EPN2: variants seen among roughly 807,000 people sequenced by gnomAD.
EPN2 encodes the protein epsin 2.
EPN2 carries 34 observed loss-of-function variants against 61.7 expected under a neutral mutation model. The observed-to-expected ratio is 0.55, with a 90% CI of 0.42 to 0.73. The LOEUF is 0.73. EPN2 is among the 30% of genes least tolerant of loss of function. The pLI is 0.00. For synonymous variants in EPN2, 349 were observed against 353.6 expected, an observed-to-expected ratio of 0.99 and a Z score of 0.15; for missense variants, 714 against 839.2, an observed-to-expected ratio of 0.85 and a Z score of 1.84.
intron 4 of EPN2, among the ~76,000 whole-genome samples, chr17:19,290,937 T>C (rs1417088822): frequency 2.0e-5 from 3 of 152,160 alleles, no homozygotes; most frequent in African/African-American, 7.2e-5. Context: ...GCTTCAAGTC[T>C]GCTCCCAGAG....
At chr17:19,289,078 T>G (rs1226589301) in intron 4 of EPN2, among the ~76,000 whole-genome samples, 2 of 127,848 alleles carry the variant, frequency 1.6e-5, no homozygotes. Flanking sequence ...GGGTATGTTT[T>G]TTTTTTTTTT....
At chr17:19,273,525 A>T (rs1039968206) in intron 1 of EPN2, among the ~76,000 whole-genome samples, 4 of 149,270 alleles carry the variant, frequency 2.7e-5, no homozygotes, top group African/African-American at 4.9e-5. Flanking sequence ...ATTTTTTATT[A>T]AAAAAAAAAC....
intron 4 of EPN2, among the ~76,000 whole-genome samples, chr17:19,288,741 C>T (rs1338267542): frequency 6.6e-6 from 1 of 152,192 alleles, no homozygotes; most frequent in Non-Finnish European, 1.5e-5. Flanking sequence ...ATTCCTAGTC[C>T]ATCCAGACGG....
chr17:19,324,089 C>T (rs959936431), intron 7 of EPN2, among the ~76,000 whole-genome samples: 3 of 152,238 alleles, frequency 2.0e-5, no homozygotes, highest in African/African-American at 7.2e-5. Context: ...GGAGAATACA[C>T]ATTCTTTGCA....
intron 1 of EPN2, among the ~76,000 whole-genome samples, chr17:19,247,252 T>G (rs1314768073): frequency 6.6e-6 from 1 of 152,180 alleles, no homozygotes; most frequent in East Asian, 1.9e-4. Flanking sequence ...AGTGTCAACC[T>G]GAAAAATATG....
intron 7 of EPN2, among the ~76,000 whole-genome samples, chr17:19,321,883 T>G (rs1906653479): frequency 6.6e-6 from 1 of 152,148 alleles, no homozygotes; most frequent in Non-Finnish European, 1.5e-5. Flanking sequence ...CGGCTTGCAG[T>G]CAGCTCTCTC....
Position 19,313,145 on chromosome 17 carries a change from T to C in EPN2, c.1013T>C (p.Met338Thr), listed in dbSNP as rs781776788. The C allele has an allele frequency of 3.7e-6, 6 of 1,613,886 alleles. No homozygotes were observed. Among genetic ancestry groups the C allele is most frequent in the South Asian group, 2.2e-5 (2 of 91,088 alleles). The change falls in exon 7 of 11, where the codon ATG becomes ACG. Residue 338 changes from methionine (M) to threonine (T), a missense_variant. Transcript: ENST00000314728. ...CAGCAGACTACGCTGTTGGATTTAA[T>C]GGATGCTCTCCCCAGCTCGGGCCCC... is the stretch of plus-strand genomic sequence containing the variant. ...LPQQTTLLDL[M>T]DALPSSGPAA...
chr17:19,274,449 AT>A (rs1214608101), intron 1 of EPN2: 3 of 152,246 alleles, frequency 2.0e-5, no homozygotes, highest in Non-Finnish European at 4.4e-5. Flanking sequence ...GTTCAGGTCA[AT>A]TAATTCACCC....
Position 19,313,109 on chromosome 17 carries a change from G to T in EPN2, c.977G>T (p.Gly326Val). 6.2e-7 allele frequency: 1 copy of T among 1,613,166 alleles called. No homozygotes were observed. The highest frequency in any genetic ancestry group is 1.3e-5 in the African/African-American group (1 of 74,932). Reference sequence around the variant, plus strand: ...CCCTTCTCTTTGTCTTAAAAGCATGGCTCTCTCCCACAGCAGACTACGCTG... The same window carrying T: ...CCCTTCTCTTTGTCTTAAAAGCATGTCTCTCTCCCACAGCAGACTACGCTG... ...TVKIPKKKEH[G>V]SLPQQTTLLD... is the part of the protein sequence containing the mutation. The change falls in exon 7 of 11, where the codon GGC (glycine) becomes GTC (valine). Residue 326 changes from glycine to valine, a missense_variant. Around this residue, in one of 2 missense-constraint regions of EPN2, gnomAD observed 410 missense variants for 421.8 expected, o/e 0.97. Transcript: ENST00000314728.
chr17:19,331,893 T>TACC lies in EPN2; in HGVS notation c.1454_1456dup (p.Thr485dup). ...CTCTGCCATCCCAAAACAATGGAAC[T>TACC]ACCAGCCCTGACCCCTTTGAGTCTC... On this transcript the variant is annotated inframe_insertion, in exon 10 of 11. Transcript: ENST00000314728. The TACC allele has an allele frequency of 6.2e-7, 1 of 1,614,214 alleles. No homozygotes were observed. The highest frequency in any genetic ancestry group is 8.5e-7 in the Non-Finnish European group (1 of 1,180,036).
chr17:19,302,624 A>G (rs1905587911), intron 4 of EPN2, among the ~76,000 whole-genome samples: 1 of 152,206 alleles, frequency 6.6e-6, no homozygotes, highest in African/African-American at 2.4e-5. Context: ...CTGATTCTAT[A>G]TTATGGTGAG....
At chr17:19,295,086 T>C (rs1170294507) in intron 4 of EPN2, among the ~76,000 whole-genome samples, 1 of 152,148 alleles carries the variant, frequency 6.6e-6, no homozygotes, top group Admixed American at 6.5e-5. Flanking sequence ...TCAGAGTCTT[T>C]TTCACTACCT....
chr17:19,246,364 GAAT>G (rs1567840848), intron 1 of EPN2, among the ~76,000 whole-genome samples: 2 of 152,012 alleles, frequency 1.3e-5, no homozygotes, highest in Admixed American at 6.6e-5. Flanking sequence ...AAAATAATAA[GAAT>G]AATAATAATT....
intron 7 of EPN2, among the ~76,000 whole-genome samples, chr17:19,325,359 A>G (rs1306107072): frequency 1.3e-5 from 2 of 152,226 alleles, no homozygotes; most frequent in African/African-American, 2.4e-5. Flanking sequence ...GAAAGAAACA[A>G]TTACAAAACC....
rs750514085 is a variant in EPN2, at chr17:19,331,840, CCTTGT to C, written c.1412-7_1412-3del. ...GCCACACTCACCCTGCCATATGTGT[CCTTGT>C]CTTGTAGCCGAATCTGTGACCTCTC... On this transcript the variant is annotated splice_polypyrimidine_tract_variant and splice_region_variant and intron_variant, in intron 9 of 10. Coordinates refer to ENST00000314728, the MANE Select transcript of EPN2 (RefSeq NM_014964.5). The C allele has an allele frequency of 1.1e-5, 18 of 1,611,650 alleles. No individual in the cohort carries two copies. Among genetic ancestry groups the C allele is most frequent in the Non-Finnish European group, 1.4e-5 (17 of 1,177,864 alleles).
chr17:19,333,846 G>T, intron 10 of EPN2, 110 bp from the exon 11 acceptor site: 1 of 860,622 alleles, frequency 1.2e-6, no homozygotes. Context: ...ACTGTCACGG[G>T]CTCTGAGGGC....
intron 1 of EPN2, among the ~76,000 whole-genome samples, chr17:19,244,029 C>G (rs983287424): frequency 2.0e-5 from 3 of 152,046 alleles, no homozygotes; most frequent in African/African-American, 7.2e-5. Context: ...TGATGGATGG[C>G]GTGACATTTG....
chr17:19,307,469 C>G (rs1193648198), intron 4 of EPN2, among the ~76,000 whole-genome samples: 1 of 152,020 alleles, frequency 6.6e-6, no homozygotes, highest in Non-Finnish European at 1.5e-5. Flanking sequence ...CACCACCATG[C>G]CCGGCTAATT....
At chr17:19,275,225 C>T (rs1211100577) in intron 1 of EPN2, among the ~76,000 whole-genome samples, 2 of 152,136 alleles carry the variant, frequency 1.3e-5, no homozygotes, top group Non-Finnish European at 2.9e-5. Flanking sequence ...TTCAGGGGAG[C>T]GCCCATGCTC....
Sources: allele counts gnomAD v4.1 joint callset (sites outside exome capture counted in the v4.1 genomes callset), GRCh38; gene constraint gnomAD v4.1.1; regional missense constraint gnomAD v4.1.1; transcripts MANE v1.5; gene names NCBI Gene and HGNC (gene_info 2026-07-23, HGNC 2026-07-21).